DACH2: variants seen among roughly 807,000 people sequenced by gnomAD.
The protein encoded by DACH2 is dachshund family transcription factor 2, also known as dachshund homolog 2.
Under a neutral mutation model 35.8 loss-of-function variants are expected in DACH2, and 17 were observed. That is an observed-to-expected ratio of 0.48 (90% confidence interval 0.33 to 0.71). The LOEUF (loss-of-function observed/expected upper bound fraction) is 0.71. DACH2 is among the 30% of genes least tolerant of loss of function. The pLI, the probability that DACH2 is intolerant of heterozygous loss-of-function variation, is 0.02. For synonymous variants in DACH2, 195 were observed against 177.3 expected, an observed-to-expected ratio of 1.10 and a Z score of -0.79; for missense variants, 469 against 472.7, an observed-to-expected ratio of 0.99 and a Z score of 0.07.
intron 2 of DACH2, among the ~76,000 whole-genome samples, chrX:86,488,417 T>C: frequency 9.0e-6 from 1 of 111,372 alleles, no homozygotes; most frequent in Non-Finnish European, 1.9e-5. Context: ...GGATTATTTA[T>C]ATTCTTTGGC....
intron 1 of DACH2, among the ~76,000 whole-genome samples, chrX:86,210,345 C>T (rs183708878): frequency 5.4e-5 from 6 of 111,460 alleles, no homozygotes; most frequent in Non-Finnish European, 9.4e-5. Flanking sequence ...TATTAAAATG[C>T]ATGTACTTTT....
At chrX:86,526,378 T>C (rs187157411) in intron 3 of DACH2, among the ~76,000 whole-genome samples, 2 of 111,732 alleles carry the variant, frequency 1.8e-5, no homozygotes, top group East Asian at 5.7e-4. Flanking sequence ...GACAATAAGG[T>C]ATTCTGCCAT....
intron 1 of DACH2, among the ~76,000 whole-genome samples, chrX:86,369,096 G>A (rs1040361692): frequency 8.1e-5 from 9 of 110,743 alleles, no homozygotes; most frequent in African/African-American, 2.6e-4. Flanking sequence ...GCAATGAAGA[G>A]AAAATGCTCT....
chrX:86,601,538 AT>A (rs1465163762), intron 3 of DACH2, among the ~76,000 whole-genome samples: 1 of 112,201 alleles, frequency 8.9e-6, no homozygotes, highest in African/African-American at 3.2e-5. Context: ...ACAAGTGGTT[AT>A]TAAGCACTTG....
At chrX:86,379,328 C>T (rs2036012775) in intron 2 of DACH2, among the ~76,000 whole-genome samples, 2 of 110,902 alleles carry the variant, frequency 1.8e-5, no homozygotes, top group Non-Finnish European at 3.8e-5. Context: ...TAAAAGGTAA[C>T]TGTTTGACTG....
chrX:86,445,830 C>T (rs572782621), intron 2 of DACH2, among the ~76,000 whole-genome samples: 14 of 110,810 alleles, frequency 1.3e-4, no homozygotes, highest in African/African-American at 4.6e-4. Flanking sequence ...GTTGTATATT[C>T]TGCAGCTGTT....
chrX:86,454,457 A>G (rs1441379540), intron 2 of DACH2, among the ~76,000 whole-genome samples: 1 of 111,976 alleles, frequency 8.9e-6, no homozygotes, highest in East Asian at 2.8e-4. Flanking sequence ...CATGTTTCTC[A>G]AAGGTTTTGT....
chrX:86,545,082 A>C (rs915060695), intron 3 of DACH2, among the ~76,000 whole-genome samples: 2 of 112,249 alleles, frequency 1.8e-5, no homozygotes, highest in Non-Finnish European at 1.9e-5. Flanking sequence ...GGCATGAGCC[A>C]CCATGCATCG....
At chrX:86,442,777 C>A (rs1319334341) in intron 2 of DACH2, among the ~76,000 whole-genome samples, 1 of 111,538 alleles carries the variant, frequency 9.0e-6, no homozygotes, top group African/African-American at 3.3e-5. Flanking sequence ...AAGTGGATAT[C>A]CAGCTTTCTC....
chrX:86,753,906 G>A (rs1036006602), intron 7 of DACH2, among the ~76,000 whole-genome samples: 2 of 105,087 alleles, frequency 1.9e-5, no homozygotes, highest in Non-Finnish European at 3.9e-5. Flanking sequence ...TGTATTTGAG[G>A]CCCTTAAACT....
At chrX:86,630,871 A>G (rs1401431435) in intron 3 of DACH2, among the ~76,000 whole-genome samples, 1 of 111,119 alleles carries the variant, frequency 9.0e-6, no homozygotes, top group Non-Finnish European at 1.9e-5. Context: ...CAGAAAGGTA[A>G]CTGCAAATTC....
At chrX:86,678,856 A>G (rs1349521203) in intron 4 of DACH2, among the ~76,000 whole-genome samples, 1 of 112,173 alleles carries the variant, frequency 8.9e-6, no homozygotes, top group African/African-American at 3.2e-5. Context: ...TTTGTCATTT[A>G]CATATTGGTG....
chrX:86,420,218 C>A (rs73631939), intron 2 of DACH2, among the ~76,000 whole-genome samples: 9,815 of 111,554 alleles, frequency 0.088, 1,074 homozygotes, highest in African/African-American at 0.3. Flanking sequence ...GGTACAGTGC[C>A]AGTGCCATAA....
At chrX:86,673,953 CAGCTAGGGA>C (rs2040799381) in intron 4 of DACH2, among the ~76,000 whole-genome samples, 1 of 112,021 alleles carries the variant, frequency 8.9e-6, no homozygotes, top group Non-Finnish European at 1.9e-5. Context: ...TAGGCCTCCC[CAGCTAGGGA>C]AGCCTGTACA....
intron 1 of DACH2, among the ~76,000 whole-genome samples, chrX:86,294,081 C>G (rs1298200203): frequency 9.0e-6 from 1 of 111,709 alleles, no homozygotes; most frequent in Non-Finnish European, 1.9e-5. Flanking sequence ...TAGATTTGGT[C>G]TTTTCACATA....
intron 4 of DACH2, among the ~76,000 whole-genome samples, chrX:86,686,787 G>C (rs1421339440): frequency 9.0e-6 from 1 of 111,669 alleles, no homozygotes; most frequent in Non-Finnish European, 1.9e-5. Flanking sequence ...CACTCAGCAG[G>C]TCATATGGAA....
chrX:86,461,948 A>G (rs773340071), intron 2 of DACH2, among the ~76,000 whole-genome samples: 27 of 111,073 alleles, frequency 2.4e-4, no homozygotes, highest in Non-Finnish European at 4.4e-4. Flanking sequence ...ACCTGTGGAA[A>G]AAATATTATA....
chrX:86,160,870 C>T, intron 1 of DACH2: 1 of 554,436 alleles, frequency 1.8e-6, no homozygotes, highest in Non-Finnish European at 3.2e-6. Context: ...CCACCAAGTA[C>T]AGTACCAATG....
intron 1 of DACH2, among the ~76,000 whole-genome samples, chrX:86,259,342 TATAA>T (rs2033582640): frequency 8.9e-6 from 1 of 111,889 alleles, no homozygotes; most frequent in African/African-American, 3.2e-5. Flanking sequence ...GACAGTGCTG[TATAA>T]ATAGAGGTTA....
Sources: allele counts gnomAD v4.1 joint callset (sites outside exome capture counted in the v4.1 genomes callset), GRCh38; gene constraint gnomAD v4.1.1; transcripts MANE v1.5; gene names NCBI Gene and HGNC (gene_info 2026-07-23, HGNC 2026-07-21).